The following PRMT8 variants were observed in gnomAD, a reference collection of about 807,000 sequenced individuals.
PRMT8 encodes the protein protein arginine N-methyltransferase 8.
A neutral mutation model predicts 47.1 loss-of-function variants in PRMT8; 7 were observed. That is an observed-to-expected ratio of 0.15 (90% CI 0.08 to 0.28). PRMT8 has a LOEUF of 0.28. Ranked by LOEUF, PRMT8 falls within the 10% of genes least tolerant of loss-of-function variation. The pLI is 1.00. For synonymous variants in PRMT8, 188 were observed against 186.5 expected (o/e 1.01, Z -0.07); for missense variants, 237 against 505.4 (o/e 0.47, Z 5.09).
rs1193501777 is a variant in PRMT8, at chr12:3,566,728, G to A, written c.482-1978G>A. On this transcript the variant is annotated intron_variant, in intron 4 of 9. Transcript: ENST00000382622. This position sits in a 1 kb window ranked among gnomAD's most constrained non-coding sequence, Gnocchi z 4.7. The stretch of plus-strand genomic sequence containing the variant: ...TGAAACTCAGATTCTAGGCAGATGT[G>A]GTTCTTTTGATTTTTACTCCTAAGT... Among the ~76,000 whole-genome samples, 1 of 152,146 alleles carries A rather than the reference G, an allele frequency of 6.6e-6. No individual in the cohort carries two copies. Among genetic ancestry groups the A allele is most frequent in the African/African-American group, 2.4e-5 (1 of 41,430 alleles).
chr12:3,444,415 G>C (rs1864835718), intron 1 of PRMT8, among the ~76,000 whole-genome samples: 1 of 152,206 alleles, frequency 6.6e-6, no homozygotes, highest in Admixed American at 6.5e-5. Flanking sequence ...GTCCTAAGCA[G>C]CCCCAGAGCT....
At chr12:3,558,944 A>G (rs1223975019) in intron 4 of PRMT8, among the ~76,000 whole-genome samples, 2 of 146,248 alleles carry the variant, frequency 1.4e-5, no homozygotes, top group African/African-American at 2.6e-5. Flanking sequence ...ACTAACATTT[A>G]TCTGTCTATC....
At chr12:3,461,594 A>G (rs185129932) in intron 1 of PRMT8, among the ~76,000 whole-genome samples, 150 of 152,282 alleles carry the variant, frequency 9.9e-4, no homozygotes, top group Middle Eastern at 3.4e-3. Context: ...ACCTCATTGG[A>G]TGGAACTGTG....
intron 1 of PRMT8, among the ~76,000 whole-genome samples, chr12:3,394,524 C>G (rs372085768): frequency 6.6e-6 from 1 of 151,644 alleles, no homozygotes; most frequent in Non-Finnish European, 1.5e-5. Flanking sequence ...TATTGATTTG[C>G]GTATATTGAA....
At chr12:3,510,163 G>T (rs1865690516) in intron 1 of PRMT8, among the ~76,000 whole-genome samples, 1 of 152,270 alleles carries the variant, frequency 6.6e-6, no homozygotes, top group Admixed American at 6.5e-5. Flanking sequence ...CTGTCCTGAG[G>T]CCAAGGCTCC....
chr12:3,528,721 C>G (rs1358115145), intron 1 of PRMT8, among the ~76,000 whole-genome samples: 3 of 151,830 alleles, frequency 2.0e-5, no homozygotes. Flanking sequence ...TGACTAGATG[C>G]CAGACATTGT....
intron 1 of PRMT8, among the ~76,000 whole-genome samples, chr12:3,428,761 CCT>C (rs1465531262): frequency 6.7e-6 from 1 of 150,034 alleles, no homozygotes; most frequent in Non-Finnish European, 1.5e-5. Context: ...TCTCTCTCTG[CCT>C]CTCTCTTTCT....
chr12:3,472,048 A>G lies in PRMT8; in HGVS notation c.49-68558A>G, dbSNP rs74465926. 9.9e-3 allele frequency among the ~76,000 whole-genome samples: 1,511 copies of G among 152,040 alleles called. 30 individuals are homozygous for G. The highest frequency in any genetic ancestry group is 0.034 in the African/African-American group (1,411 of 41,474). On this transcript the variant is annotated intron_variant, in intron 1 of 9. Transcript: ENST00000452611. ...GGGCAGTGCTTTGAAAAGATTCCCA[A>G]GGCTTCTACAGAGTGCGTGGGCGGG...
chr12:3,561,186 G>T lies in PRMT8; in HGVS notation c.481+7472G>T, dbSNP rs77892231. On this transcript the variant is annotated intron_variant, in intron 4 of 9. Transcript: ENST00000382622. ...ATTCTCCTCTGGCCATGTTTTAGCA[G>T]CTCTTTCACCAACAGAGGGTCGTGC... Among the ~76,000 whole-genome samples the T allele has an allele frequency of 3.7e-3, 566 of 152,282 alleles. 6 individuals carry two copies. The highest frequency in any genetic ancestry group is 0.013 in the African/African-American group (532 of 41,566).
At chr12:3,553,629 C>T in intron 3 of PRMT8, 22 bp from the exon 4 acceptor site, 1 of 1,585,500 alleles carries the variant, frequency 6.3e-7, no homozygotes. Context: ...CGCCTTGCTC[C>T]TTTGTCCTAT....
chr12:3,488,355 G>A (rs1042873048), upstream of PRMT8, among the ~76,000 whole-genome samples: 27 of 152,098 alleles, frequency 1.8e-4, no homozygotes, highest in Admixed American at 1.3e-4. Context: ...TACTTTTGTT[G>A]TGTTGAAGAT....
chr12:3,581,205 GA>G (rs2137226079), intron 7 of PRMT8, among the ~76,000 whole-genome samples: 1 of 152,312 alleles, frequency 6.6e-6, no homozygotes, highest in South Asian at 2.1e-4. Flanking sequence ...ACCCAGAGGA[GA>G]AAGGCCAGGG....
intron 8 of PRMT8, among the ~76,000 whole-genome samples, chr12:3,590,123 T>C (rs546697326): frequency 6.6e-6 from 1 of 152,340 alleles, no homozygotes; most frequent in Non-Finnish European, 1.5e-5. Flanking sequence ...CCAGGCAGGG[T>C]CTGAAAGGGA....
intron 1 of PRMT8, among the ~76,000 whole-genome samples, chr12:3,522,233 A>T (rs192303545): frequency 2.6e-5 from 4 of 151,856 alleles, no homozygotes; most frequent in South Asian, 2.1e-4. Context: ...AAACCAATTT[A>T]AAAAAAAATT....
intron 1 of PRMT8, among the ~76,000 whole-genome samples, chr12:3,509,494 A>T (rs1865678365): frequency 6.6e-6 from 1 of 152,148 alleles, no homozygotes; most frequent in African/African-American, 2.4e-5. Flanking sequence ...GTCAACCATC[A>T]ACTTTGTGAG....
At chr12:3,443,153 G>A (rs996165372) in intron 1 of PRMT8, among the ~76,000 whole-genome samples, 4 of 152,190 alleles carry the variant, frequency 2.6e-5, no homozygotes, top group Admixed American at 1.3e-4. Flanking sequence ...ATTGTCTACT[G>A]CCCTTGAGGA....
At chr12:3,454,960 A>G (rs4766124) in intron 1 of PRMT8, among the ~76,000 whole-genome samples, 133,669 of 152,146 alleles carry the variant, frequency 0.88, 60,132 homozygotes, top group Non-Finnish European at 0.98. Flanking sequence ...CTGACGCACC[A>G]AAGAATGCAG....
intron 3 of PRMT8, chr12:3,551,936 G>C (rs1218938653): frequency 6.5e-6 from 1 of 152,768 alleles, no homozygotes; most frequent in Non-Finnish European, 1.5e-5. Context: ...AAATGGGAGA[G>C]GGGCCTGGAA....
In PRMT8 at chr12:3,436,225, C is replaced by T. The variant is rs527294357; in HGVS notation, c.48+54783C>T. On this transcript the variant is annotated intron_variant, in intron 1 of 9. Coordinates refer to the PRMT8 transcript ENST00000452611. This position sits in a 1 kb window ranked among gnomAD's most constrained non-coding sequence, Gnocchi z 4.2. ...TTAGGATCCAATCACACACTAAGTT[C>T]GTGTCAGTCCTGGAGAAATATTTAG... is the stretch of plus-strand genomic sequence containing the variant. Among the ~76,000 whole-genome samples, 12 of 152,330 alleles carry T rather than the reference C, an allele frequency of 7.9e-5. No homozygotes were observed. The highest frequency in any genetic ancestry group is 1.3e-4 in the Non-Finnish European group (9 of 68,032).
Sources: allele counts gnomAD v4.1 joint callset (sites outside exome capture counted in the v4.1 genomes callset), GRCh38; gene constraint gnomAD v4.1.1; non-coding constraint Gnocchi (gnomAD v3.1); transcripts MANE v1.5; gene names NCBI Gene and HGNC (gene_info 2026-07-23, HGNC 2026-07-21).